The following RBFOX1 variants were observed in gnomAD, a reference collection of about 807,000 sequenced individuals.
RBFOX1 encodes RNA binding protein fox-1 homolog 1.
RBFOX1 carries 8 observed loss-of-function variants against 57.7 expected under a neutral mutation model. The observed-to-expected ratio is 0.14, with a 90% CI of 0.08 to 0.25. RBFOX1 has a LOEUF of 0.25. Among genes scored for constraint, RBFOX1 ranks in the 10% least tolerant of loss-of-function variants. The pLI is 1.00. For missense variants in RBFOX1, 611 were observed against 548.5 expected (o/e 1.11, Z -1.14); for synonymous variants, 326 against 222.4 (o/e 1.47, Z -4.15).
intron 1 of RBFOX1, among the ~76,000 whole-genome samples, chr16:6,257,667 A>T (rs1014156260): frequency 2.0e-5 from 3 of 152,164 alleles, no homozygotes; most frequent in African/African-American, 7.2e-5. Flanking sequence ...AAGTGAGACC[A>T]TGCGGTATTT....
intron 3 of RBFOX1, among the ~76,000 whole-genome samples, chr16:6,991,984 G>A (rs542435350): frequency 6.6e-6 from 1 of 152,266 alleles, no homozygotes; most frequent in East Asian, 1.9e-4. Context: ...AGGACTCCCT[G>A]TGTTTCAGAA....
intron 3 of RBFOX1, among the ~76,000 whole-genome samples, chr16:6,714,316 C>T (rs181063893): frequency 6.6e-6 from 1 of 152,148 alleles, no homozygotes; most frequent in Admixed American, 6.5e-5. Flanking sequence ...GAAATCGGAC[C>T]AAAACAGTGG....
intron 3 of RBFOX1, among the ~76,000 whole-genome samples, chr16:6,977,099 T>G (rs1308186155): frequency 1.4e-5 from 2 of 144,544 alleles, no homozygotes; most frequent in East Asian, 2.0e-4. Context: ...TTTATATATA[T>G]ATCATATATA....
At chr16:6,824,267 T>A (rs1258384023) in intron 3 of RBFOX1, among the ~76,000 whole-genome samples, 1 of 152,112 alleles carries the variant, frequency 6.6e-6, no homozygotes, top group African/African-American at 2.4e-5. Flanking sequence ...TAGCCAGATG[T>A]GGTGGTTGGT....
intron 4 of RBFOX1, among the ~76,000 whole-genome samples, chr16:7,352,830 C>T (rs1018549514): frequency 6.6e-6 from 1 of 152,134 alleles, no homozygotes; most frequent in South Asian, 2.1e-4. Flanking sequence ...ATCCTCCCAC[C>T]TCAACCTCCC....
intron 14 of RBFOX1, among the ~76,000 whole-genome samples, chr16:7,699,434 C>T (rs1004286776): frequency 2.0e-5 from 3 of 152,180 alleles, no homozygotes; most frequent in Admixed American, 2.0e-4. Flanking sequence ...TCAAGCCATC[C>T]TGCCCCTTTG....
intron 4 of RBFOX1, among the ~76,000 whole-genome samples, chr16:5,994,074 G>C (rs1012450382): frequency 6.6e-6 from 1 of 152,158 alleles, no homozygotes; most frequent in African/African-American, 2.4e-5. Context: ...GGATGGGAAT[G>C]GAGCTATGGG....
chr16:5,642,038 C>T (rs1053885565), intron 3 of RBFOX1, among the ~76,000 whole-genome samples: 4 of 152,156 alleles, frequency 2.6e-5, no homozygotes, highest in African/African-American at 4.8e-5. Flanking sequence ...CTGGACCACA[C>T]TTTGAGGAGC....
intron 3 of RBFOX1, among the ~76,000 whole-genome samples, chr16:6,754,001 G>T (rs751017815): frequency 7.2e-5 from 11 of 152,092 alleles, no homozygotes; most frequent in Non-Finnish European, 1.6e-4. Flanking sequence ...TTACTGGGTT[G>T]TCTTCTGGTA....
intron 3 of RBFOX1, among the ~76,000 whole-genome samples, chr16:6,823,469 C>G (rs1040850271): frequency 1.3e-5 from 2 of 152,044 alleles, no homozygotes; most frequent in Non-Finnish European, 2.9e-5. Context: ...GTTGGCCACG[C>G]TAGTCTCAAA....
At chr16:6,984,723 C>G (rs1050034968) in intron 3 of RBFOX1, among the ~76,000 whole-genome samples, 5 of 152,114 alleles carry the variant, frequency 3.3e-5, no homozygotes, top group South Asian at 2.1e-4. Flanking sequence ...TCACTGCAAC[C>G]TCTGCCTCCC....
In RBFOX1 at chr16:6,318,597, C is replaced by G. The variant is rs2081385391; in HGVS notation, c.-64+1540C>G. On this transcript the variant is annotated intron_variant, in intron 2 of 15. Transcript: ENST00000550418. ...GAATATGATTGAAATTGCTGCTTCT[C>G]TGAAAGAAATTCCTGTTCCAACCCT... 2.0e-5 allele frequency among the ~76,000 whole-genome samples: 3 copies of G among 152,072 alleles called. No homozygotes were observed. The South Asian group carries it at 6.2e-4, about 31-fold the overall frequency.
At chr16:6,370,712 G>C (rs1318281518) in intron 2 of RBFOX1, among the ~76,000 whole-genome samples, 1 of 152,014 alleles carries the variant, frequency 6.6e-6, no homozygotes, top group Non-Finnish European at 1.5e-5. Flanking sequence ...ATGTTTAACG[G>C]GTATAGAATT....
At chr16:7,473,423 T>C (rs1367029745) in intron 4 of RBFOX1, among the ~76,000 whole-genome samples, 1 of 148,028 alleles carries the variant, frequency 6.8e-6, no homozygotes, top group African/African-American at 2.5e-5. Flanking sequence ...TATATATACA[T>C]AGTATATAAT....
intron 4 of RBFOX1, among the ~76,000 whole-genome samples, chr16:7,142,706 C>G (rs906297554): frequency 6.6e-5 from 10 of 152,144 alleles, no homozygotes; most frequent in African/African-American, 1.9e-4. Flanking sequence ...ATGTGTCTCC[C>G]TCTCTAAGGT....
At chr16:6,160,855 C>G (rs958082974) in intron 1 of RBFOX1, among the ~76,000 whole-genome samples, 2 of 152,178 alleles carry the variant, frequency 1.3e-5, no homozygotes, top group African/African-American at 4.8e-5. Flanking sequence ...GCCTTAATCT[C>G]GAGTGTCCTT....
In RBFOX1 at chr16:6,444,639, T is replaced by G. The variant is rs1022637160; in HGVS notation, c.-64+127582T>G. Among the ~76,000 whole-genome samples, 13 of 152,252 alleles carry G rather than the reference T, an allele frequency of 8.5e-5. No individual in the cohort carries two copies. The East Asian group carries it at 2.3e-3, about 27-fold the overall frequency. On this transcript the variant is annotated intron_variant, in intron 2 of 15. Coordinates refer to ENST00000550418, the MANE Select transcript of RBFOX1 (RefSeq NM_018723.4). ...AACTGTAAGTCCATTAAACCTTTTTTTTTTCCTAGTCTTGGGTATGTCTTT... is the reference window on the plus strand; with the variant it reads ...AACTGTAAGTCCATTAAACCTTTTTGTTTTCCTAGTCTTGGGTATGTCTTT...
intron 1 of RBFOX1, among the ~76,000 whole-genome samples, chr16:6,147,477 C>G (rs1009016013): frequency 1.3e-5 from 2 of 152,102 alleles, no homozygotes; most frequent in African/African-American, 4.8e-5. Flanking sequence ...ACTCATGGGT[C>G]AAAGCCAGAG....
At chr16:7,241,220 C>T (rs535794492) in intron 4 of RBFOX1, among the ~76,000 whole-genome samples, 67 of 152,300 alleles carry the variant, frequency 4.4e-4, no homozygotes, top group African/African-American at 1.5e-3. Flanking sequence ...TACCATAAAT[C>T]ACACGGAGTT....
Sources: gnomAD v4.1 joint callset for allele counts (sites outside exome capture counted in the v4.1 genomes callset) on GRCh38, gnomAD v4.1.1 for gene constraint, MANE v1.5 for transcripts, NCBI Gene and HGNC (gene_info 2026-07-23, HGNC 2026-07-21) for gene names.